The following CDADC1 variants were observed in gnomAD, a reference collection of about 807,000 sequenced individuals.
CDADC1 encodes cytidine and dCMP deaminase domain containing 1.
A neutral mutation model predicts 54.9 loss-of-function variants in CDADC1; 39 were observed. The observed-to-expected ratio is 0.71, with a 90% CI of 0.55 to 0.93. CDADC1 has a LOEUF of 0.93. Among genes scored for constraint, CDADC1 ranks in the 40% least tolerant of loss-of-function variants. The pLI, the probability that CDADC1 is intolerant of heterozygous loss-of-function variation, is 0.00. For synonymous variants in CDADC1, 186 were observed against 204.0 expected (o/e 0.91, Z 0.75); for missense variants, 518 against 618.8 (o/e 0.84, Z 1.73).
intron 6 of CDADC1, among the ~76,000 whole-genome samples, chr13:49,275,726 TAGAGAG>T (rs1163125791): frequency 3.1e-3 from 55 of 17,880 alleles, no homozygotes; most frequent in Non-Finnish European, 3.6e-3. Flanking sequence ...TATATATATA[TAGAGAG>T]AGAGAGAGAG....
chr13:49,278,232 A>T, intron 6 of CDADC1, 118 bp from the exon 7 acceptor site: 1 of 691,686 alleles, frequency 1.4e-6, no homozygotes, highest in Non-Finnish European at 2.2e-6. Context: ...AGCTCAGTTT[A>T]CTGTAGAAAA....
chr13:49,283,287 G>A (rs999886990), intron 8 of CDADC1, among the ~76,000 whole-genome samples: 4 of 152,034 alleles, frequency 2.6e-5, no homozygotes, highest in Admixed American at 2.6e-4. Context: ...TTGTAATATT[G>A]TCATTTTTTT....
chr13:49,287,983 A>G (rs1953571942), intron 9 of CDADC1, among the ~76,000 whole-genome samples: 1 of 152,094 alleles, frequency 6.6e-6, no homozygotes, highest in African/African-American at 2.4e-5. Flanking sequence ...AAAAAAAAAA[A>G]AAAAAAAGAT....
chr13:49,282,770 G>A (rs566033266), intron 8 of CDADC1, among the ~76,000 whole-genome samples: 10 of 152,324 alleles, frequency 6.6e-5, no homozygotes, highest in South Asian at 4.1e-4. Flanking sequence ...GATCAGCAGC[G>A]GCATTAGATT....
At chr13:49,259,597 TC>T in intron 4 of CDADC1, 74 bp downstream of exon 4, 2 of 1,429,060 alleles carry the variant, frequency 1.4e-6, no homozygotes, top group Non-Finnish European at 1.9e-6. Context: ...ATGCCTGTCA[TC>T]CCAGCACTTT....
intron 8 of CDADC1, among the ~76,000 whole-genome samples, chr13:49,285,816 AT>A (rs144057270): frequency 0.33 from 47,802 of 144,310 alleles, 7,773 homozygotes; most frequent in East Asian, 0.5. Flanking sequence ...TATTTTTTTA[AT>A]TTTTTTTTTT....
At chr13:49,274,404 C>T (rs987293775) in intron 6 of CDADC1, 64 bp downstream of exon 6, 37 of 1,312,774 alleles carry the variant, frequency 2.8e-5, no homozygotes, top group Middle Eastern at 2.0e-4. Flanking sequence ...GTTCAGTCTT[C>T]GGTGCATTAC....
At chr13:49,289,420 G>A (rs1206557377) in intron 9 of CDADC1, among the ~76,000 whole-genome samples, 3 of 152,094 alleles carry the variant, frequency 2.0e-5, no homozygotes, top group South Asian at 2.1e-4. Context: ...GAGCCACCAC[G>A]CCTGGCCTGA....
chr13:49,287,891 A>G (rs9568177), intron 9 of CDADC1, among the ~76,000 whole-genome samples: 48,571 of 151,386 alleles, frequency 0.32, 7,895 homozygotes, highest in East Asian at 0.51. Context: ...AGGATCTCTT[A>G]AGCATGAAGA....
At position 49,278,587 on chromosome 13, in the gene CDADC1, A is replaced by G. The variant is rs1196814765; in HGVS notation, c.1220+68A>G. ...AGGGTTGGTTGAAATTAATTTTCTT[A>G]TAATTGTAATTTATTTCCTTTTTCA... On this transcript the variant is annotated intron_variant, in intron 7 of 9. Coordinates refer to ENST00000251108, the MANE Select transcript of CDADC1 (RefSeq NM_030911.4). The G allele has an allele frequency of 4.5e-6, 5 of 1,102,286 alleles. No individual in the cohort carries two copies. The South Asian group carries it at 6.0e-5, about 13-fold the overall frequency. 68.3% of individuals were successfully genotyped at this position (1,102,286 alleles called of 1,614,324 possible). A position where few individuals can be genotyped will look rare whatever the true frequency, so the allele number is the denominator to read the frequency against.
chr13:49,288,309 T>A (rs1953583814), intron 9 of CDADC1, among the ~76,000 whole-genome samples: 1 of 152,242 alleles, frequency 6.6e-6, no homozygotes, highest in Non-Finnish European at 1.5e-5. Flanking sequence ...ATTTCCTTTT[T>A]AATTATATGA....
intron 6 of CDADC1, among the ~76,000 whole-genome samples, chr13:49,277,027 G>C (rs535118847): frequency 1.6e-3 from 249 of 152,234 alleles, no homozygotes; most frequent in Middle Eastern, 6.8e-3. Context: ...CAAGTAATCT[G>C]GGCTTGAATT....
At chr13:49,284,950 G>A (rs980560546) in intron 8 of CDADC1, among the ~76,000 whole-genome samples, 3 of 152,076 alleles carry the variant, frequency 2.0e-5, no homozygotes, top group African/African-American at 7.2e-5. Context: ...ATAAGATACC[G>A]ATTACTCTCC....
At chr13:49,252,820 TATTA>T (rs1208552243) in intron 2 of CDADC1, among the ~76,000 whole-genome samples, 5 of 152,236 alleles carry the variant, frequency 3.3e-5, no homozygotes, top group Admixed American at 2.6e-4. Flanking sequence ...GTTGATAAGT[TATTA>T]ATTTTAAATT....
chr13:49,278,566 T>A (rs747427459), intron 7 of CDADC1, 47 bp downstream of exon 7: 1 of 1,248,908 alleles, frequency 8.0e-7, no homozygotes, highest in East Asian at 2.5e-5. Flanking sequence ...GTAGCAAGGG[T>A]TGGTTGAAAT....
chr13:49,258,658 T>C (rs979365513), intron 3 of CDADC1, among the ~76,000 whole-genome samples: 1 of 152,222 alleles, frequency 6.6e-6, no homozygotes, highest in African/African-American at 2.4e-5. Flanking sequence ...TCAAGCTCAC[T>C]ACTCTGACAT....
chr13:49,291,710 A>G lies in CDADC1; in HGVS notation c.1498A>G (p.Lys500Glu). 1.2e-6 allele frequency: 2 copies of G among 1,614,140 alleles called. 1 individual carries two copies. The highest frequency in any genetic ancestry group is 2.2e-5 in the South Asian group (2 of 91,080). ...ENGVLRPVPQ[K>E]EEQHQDKKLR... is the part of the protein sequence containing the mutation. Reference sequence around the variant, plus strand: ...TGGTGTGTTGAGACCTGTCCCACAGAAGGAAGAGCAGCACCAGGACAAGAA... The same window carrying G: ...TGGTGTGTTGAGACCTGTCCCACAGGAGGAAGAGCAGCACCAGGACAAGAA... The change falls in exon 10 of 10, where the codon AAG becomes GAG. Residue 500 changes from lysine (K) to glutamate (E), a missense_variant. Physicochemically the swap from Lys to Glu is moderately conservative, Grantham distance 56 (BLOSUM62 1). Transcript: ENST00000251108.
chr13:49,279,460 C>T (rs1404906417), intron 7 of CDADC1, among the ~76,000 whole-genome samples: 3 of 152,062 alleles, frequency 2.0e-5, no homozygotes, highest in Non-Finnish European at 4.4e-5. Context: ...TAGGAAAATC[C>T]GTGGTGTGTT....
At chr13:49,278,625 G>T (rs1953217897) in intron 7 of CDADC1, 106 bp downstream of exon 7, 1 of 929,386 alleles carries the variant, frequency 1.1e-6, no homozygotes, top group Non-Finnish European at 1.5e-6. Context: ...TTCCAAGAAA[G>T]TTTCCTTTCA....
Sources: gnomAD v4.1 joint callset for allele counts (sites outside exome capture counted in the v4.1 genomes callset) on GRCh38, gnomAD v4.1.1 for gene constraint, MANE v1.5 for transcripts, NCBI Gene and HGNC (gene_info 2026-07-23, HGNC 2026-07-21) for gene names.